Variants in NKAIN1 observed in about 807,000 individuals in gnomAD.
The protein encoded by NKAIN1 is sodium/potassium transporting ATPase interacting 1, also known as sodium/potassium-transporting ATPase subunit beta-1-interacting protein 1.
NKAIN1 carries 13 observed loss-of-function variants against 31.6 expected under a neutral mutation model. The observed-to-expected ratio is 0.41, with a 90% CI of 0.27 to 0.65. NKAIN1 has a LOEUF of 0.65. Ranked by LOEUF, NKAIN1 falls within the 30% of genes least tolerant of loss-of-function variation. NKAIN1 has a pLI of 0.30. For missense variants in NKAIN1, 193 were observed against 262.2 expected (o/e 0.74, Z 1.82); for synonymous variants, 104 against 109.0 (o/e 0.95, Z 0.28).
intron 1 of NKAIN1, among the ~76,000 whole-genome samples, chr1:31,221,123 G>C (rs74063701): frequency 1.3e-5 from 2 of 152,136 alleles, no homozygotes; most frequent in South Asian, 4.1e-4. Flanking sequence ...GGATTAGCAG[G>C]CCTAGGAGAT....
chr1:31,236,455 A>G (rs1243406576), intron 1 of NKAIN1, among the ~76,000 whole-genome samples: 1 of 152,088 alleles, frequency 6.6e-6, no homozygotes, highest in African/African-American at 2.4e-5. Flanking sequence ...TTTTCCCTTC[A>G]GTCCCTTGGA....
chr1:31,184,022 C>T lies in NKAIN1; in HGVS notation c.274-8G>A. On this transcript the variant is annotated splice_region_variant and splice_polypyrimidine_tract_variant and intron_variant, in intron 3 of 6. Transcript: ENST00000373736. Reference sequence around the variant, plus strand: ...CATGATGAAGTCCCGGTCCTGGGGGCAAAGGGGCCTGGGATACTGAGTGTG... The same window carrying T: ...CATGATGAAGTCCCGGTCCTGGGGGTAAAGGGGCCTGGGATACTGAGTGTG... 6.2e-7 allele frequency: 1 copy of T among 1,612,304 alleles called. No individual in the cohort carries two copies. The highest frequency in any genetic ancestry group is 2.2e-5 in the East Asian group (1 of 44,804).
chr1:31,223,169 G>T (rs1317859701), intron 1 of NKAIN1, among the ~76,000 whole-genome samples: 1 of 152,082 alleles, frequency 6.6e-6, no homozygotes, highest in Non-Finnish European at 1.5e-5. Flanking sequence ...CCGAGGTCAG[G>T]AGTTTGAGAC....
intron 1 of NKAIN1, among the ~76,000 whole-genome samples, chr1:31,218,068 C>CTTTCTTTCTTTT (rs71569970): frequency 7.5e-6 from 1 of 132,934 alleles, no homozygotes; most frequent in Non-Finnish European, 1.6e-5. Flanking sequence ...TTCTTTCTTT[C>CTTTCTTTCTTTT]TTTTTTTTTT....
At chr1:31,221,069 G>A (rs748358517) in intron 1 of NKAIN1, among the ~76,000 whole-genome samples, 11 of 152,276 alleles carry the variant, frequency 7.2e-5, no homozygotes, top group Non-Finnish European at 8.8e-5. Flanking sequence ...AAGTCAGTGT[G>A]GTGAGCATGC....
At chr1:31,191,137 G>T (rs750151050) in intron 1 of NKAIN1, among the ~76,000 whole-genome samples, 1 of 152,198 alleles carries the variant, frequency 6.6e-6, no homozygotes, top group Non-Finnish European at 1.5e-5. Flanking sequence ...CTGAAAATAC[G>T]AAAGTTAGCT....
chr1:31,222,389 T>G (rs1162739140), intron 1 of NKAIN1, among the ~76,000 whole-genome samples: 1 of 152,206 alleles, frequency 6.6e-6, no homozygotes, highest in Middle Eastern at 3.2e-3. Context: ...AAGGGCCTGT[T>G]GCCAGGGTGA....
intron 1 of NKAIN1, among the ~76,000 whole-genome samples, chr1:31,217,524 C>G (rs546347440): frequency 6.6e-6 from 1 of 152,312 alleles, no homozygotes; most frequent in South Asian, 2.1e-4. Context: ...CACCACTGCT[C>G]CCTACCAACC....
rs571741103 is a variant in NKAIN1 at position 31,205,473 on chromosome 1, T to A, written c.55-17286A>T. 1.2e-4 allele frequency among the ~76,000 whole-genome samples: 18 copies of A among 152,224 alleles called. No individual in the cohort carries two copies. The South Asian group carries it at 3.5e-3, about 30-fold the overall frequency. On this transcript the variant is annotated intron_variant, in intron 1 of 6. Transcript: ENST00000373736. Reference sequence around the variant, plus strand: ...ACGGGCACGCCCCACCATGCCCAGATAATTTTTGTATTTTTAGTAGAGATG... The same window carrying A: ...ACGGGCACGCCCCACCATGCCCAGAAAATTTTTGTATTTTTAGTAGAGATG...
intron 2 of NKAIN1, among the ~76,000 whole-genome samples, chr1:31,187,724 ATCTACC>A (rs1645255082): frequency 6.6e-6 from 1 of 152,032 alleles, no homozygotes; most frequent in African/African-American, 2.4e-5. Flanking sequence ...AGCTGTTAAG[ATCTACC>A]TCACAGGGCT....
rs1374082990 is a variant in NKAIN1, at chr1:31,239,438, G to T, written c.54+56C>A. Reference sequence around the variant, plus strand: ...ACGCAACCCCACCCGCACGCCCTGGGACCGCGCCCCGCCGCGCCCCACCCT... The same window carrying T: ...ACGCAACCCCACCCGCACGCCCTGGTACCGCGCCCCGCCGCGCCCCACCCT... On this transcript the variant is annotated intron_variant, in intron 1 of 6. Transcript: ENST00000373736. This position sits in a 1 kb window ranked among gnomAD's most constrained non-coding sequence, Gnocchi z 4.8. The T allele has an allele frequency of 4.4e-6, 6 of 1,365,378 alleles. No homozygotes were observed. Among genetic ancestry groups the T allele is most frequent in the Non-Finnish European group, 5.8e-6 (6 of 1,042,280 alleles). 84.6% of individuals were successfully genotyped at this position (1,365,378 alleles called of 1,614,324 possible).
intron 1 of NKAIN1, among the ~76,000 whole-genome samples, chr1:31,215,331 T>C (rs1296400912): frequency 6.6e-6 from 1 of 152,160 alleles, no homozygotes; most frequent in Non-Finnish European, 1.5e-5. Context: ...CTACTTTCTG[T>C]CCCAGTCTTG....
At position 31,239,365 on chromosome 1, in the gene NKAIN1, G is replaced by T; in HGVS notation, c.54+129C>A. On this transcript the variant is annotated intron_variant, in intron 1 of 6. Transcript: ENST00000373736. The surrounding 1 kb of genome is among the most constrained non-coding windows in gnomAD (Gnocchi z 4.8). ...TCCGCCCGACCGCTCCGAGACTCCA[G>T]ACCACCCCCCGCCCGGGCACACGCA... The T allele has an allele frequency of 3.2e-6, 2 of 616,570 alleles. No individual in the cohort carries two copies. The highest frequency in any genetic ancestry group is 4.8e-6 in the Non-Finnish European group (2 of 418,292). The allele number at this position is 616,570 out of a possible 1,614,324, so 38.2% of individuals were successfully genotyped here.
At chr1:31,194,397 TTTCC>T (rs1216444047) in intron 1 of NKAIN1, among the ~76,000 whole-genome samples, 6 of 151,242 alleles carry the variant, frequency 4.0e-5, no homozygotes, top group Non-Finnish European at 5.9e-5. Context: ...CTTTTTTTTC[TTTCC>T]TTCCTTCCTT....
intron 1 of NKAIN1, among the ~76,000 whole-genome samples, chr1:31,213,333 A>G (rs1322062531): frequency 6.6e-6 from 1 of 152,242 alleles, no homozygotes; most frequent in East Asian, 1.9e-4. Flanking sequence ...AAGCACAAAA[A>G]AATATGCTCA....
In NKAIN1 at chr1:31,197,592, G is replaced by A. The variant is rs191484206; in HGVS notation, c.55-9405C>T. Among the ~76,000 whole-genome samples, 303 of 134,270 alleles carry A rather than the reference G, an allele frequency of 2.3e-3. 1 individual carries two copies. Among genetic ancestry groups the A allele is most frequent in the African/African-American group, 7.4e-3 (274 of 36,862 alleles). 88.1% of individuals were successfully genotyped at this position (134,270 alleles called of 152,430 possible). A position where few individuals can be genotyped will look rare whatever the true frequency, so the allele number is the denominator to read the frequency against. On this transcript the variant is annotated intron_variant, in intron 1 of 6. Coordinates refer to ENST00000373736, the MANE Select transcript of NKAIN1 (RefSeq NM_024522.3). ...GATGGAGTCCAGCTTCGTCGCCCAG[G>A]TTGGAGTGCAGTGGCGCGATCTCGG...
chr1:31,190,146 G>T (rs1645274611), intron 1 of NKAIN1, among the ~76,000 whole-genome samples: 1 of 152,182 alleles, frequency 6.6e-6, no homozygotes, highest in Admixed American at 6.5e-5. Context: ...AAAGTGAGAA[G>T]ATATAAGAAG....
intron 1 of NKAIN1, among the ~76,000 whole-genome samples, chr1:31,232,187 G>C (rs1397345563): frequency 6.7e-6 from 1 of 149,630 alleles, no homozygotes; most frequent in Non-Finnish European, 1.5e-5. Context: ...TGCCTCCCAG[G>C]TTCAAGCAAT....
intron 3 of NKAIN1, among the ~76,000 whole-genome samples, chr1:31,184,640 A>C (rs187357323): frequency 7.4e-4 from 113 of 152,298 alleles, no homozygotes; most frequent in African/African-American, 2.7e-3. Flanking sequence ...TACAGCTAGA[A>C]GGTTTTAGAG....
Sources: allele counts gnomAD v4.1 joint callset (sites outside exome capture counted in the v4.1 genomes callset), GRCh38; gene constraint gnomAD v4.1.1; non-coding constraint Gnocchi (gnomAD v3.1); transcripts MANE v1.5; gene names NCBI Gene and HGNC (gene_info 2026-07-23, HGNC 2026-07-21).